The following TRAF3 variants were observed in gnomAD, a reference collection of about 807,000 sequenced individuals.
The protein encoded by TRAF3 is TNF receptor-associated factor 3.
A neutral mutation model predicts 62.3 loss-of-function variants in TRAF3; 13 were observed. That is an observed-to-expected ratio of 0.21 (90% CI 0.14 to 0.33). TRAF3 has a LOEUF of 0.33. Ranked by LOEUF, TRAF3 falls within the 10% of genes least tolerant of loss-of-function variation. TRAF3 has a pLI of 1.00. For missense variants in TRAF3, 440 were observed against 741.8 expected (o/e 0.59, Z 4.73); for synonymous variants, 269 against 283.4 (o/e 0.95, Z 0.51).
chr14:102,804,818 T>G (rs1898670762), intron 1 of TRAF3, among the ~76,000 whole-genome samples: 1 of 152,142 alleles, frequency 6.6e-6, no homozygotes, highest in African/African-American at 2.4e-5. Context: ...TGTGGTCCTT[T>G]TTTTCTAAAA....
At chr14:102,800,075 G>A (rs900188588) in intron 1 of TRAF3, among the ~76,000 whole-genome samples, 1 of 152,152 alleles carries the variant, frequency 6.6e-6, no homozygotes, top group Non-Finnish European at 1.5e-5. Context: ...TACTTTATTA[G>A]TGATTTATTT....
At chr14:102,852,643 G>A (rs958985752) in intron 2 of TRAF3, among the ~76,000 whole-genome samples, 1 of 151,952 alleles carries the variant, frequency 6.6e-6, no homozygotes, top group African/African-American at 2.4e-5. Context: ...TCTACATATG[G>A]ACAAACAGAA....
At chr14:102,784,682 G>A (rs549560216) in intron 1 of TRAF3, among the ~76,000 whole-genome samples, 1 of 152,292 alleles carries the variant, frequency 6.6e-6, no homozygotes, top group African/African-American at 2.4e-5. Flanking sequence ...GCTTCCATGT[G>A]ATGAATGAGC....
intron 2 of TRAF3, among the ~76,000 whole-genome samples, chr14:102,856,097 CAA>C (rs3070340): frequency 6.4e-4 from 40 of 62,930 alleles, no homozygotes; most frequent in African/African-American, 1.6e-3. Context: ...CCCTGTCTCA[CAA>C]AAAAAAAAAA....
chr14:102,868,528 G>C (rs974271816), intron 2 of TRAF3, among the ~76,000 whole-genome samples: 1 of 152,310 alleles, frequency 6.6e-6, no homozygotes. Context: ...CGTAAAGGTC[G>C]TAAGGCACTG....
In TRAF3 at chr14:102,808,000, G is replaced by A. The variant is rs1460764255; in HGVS notation, c.-156-22334G>A. On this transcript the variant is annotated intron_variant, in intron 1 of 11. Transcript: ENST00000392745. The stretch of plus-strand genomic sequence containing the variant: ...TATGCTCCACTAGTCCTTAAGACAC[G>A]TCTGAAAGAAATGAAATTTTATTTT... 3.3e-5 allele frequency among the ~76,000 whole-genome samples: 5 copies of A among 152,160 alleles called. No homozygotes were observed. In the East Asian group the frequency reaches 5.8e-4, roughly 18 times the overall value.
chr14:102,866,409 T>C (rs1887995575), intron 2 of TRAF3, among the ~76,000 whole-genome samples: 1 of 151,906 alleles, frequency 6.6e-6, no homozygotes, highest in Non-Finnish European at 1.5e-5. Context: ...GAACTTAAAG[T>C]ATAATAATTT....
chr14:102,787,408 G>A (rs1897561079), intron 1 of TRAF3, among the ~76,000 whole-genome samples: 4 of 151,926 alleles, frequency 2.6e-5, no homozygotes, highest in Admixed American at 2.6e-4. Context: ...TGGGCGTGGT[G>A]GCTCACGCCT....
intron 2 of TRAF3, among the ~76,000 whole-genome samples, chr14:102,841,064 A>G (rs1169883631): frequency 6.6e-6 from 1 of 152,244 alleles, no homozygotes; most frequent in East Asian, 1.9e-4. Context: ...GACGCATTAC[A>G]ATAAAACCTT....
chr14:102,823,854 C>T (rs566015161), intron 1 of TRAF3, among the ~76,000 whole-genome samples: 27 of 151,146 alleles, frequency 1.8e-4, no homozygotes, highest in East Asian at 1.6e-3. Context: ...TATGGAAATG[C>T]GGTTGACAGG....
chr14:102,889,510 A>G (rs1889591022), intron 7 of TRAF3, 50 bp from the exon 8 acceptor site: 2 of 1,588,330 alleles, frequency 1.3e-6, no homozygotes, highest in African/African-American at 2.7e-5. Flanking sequence ...ATGTTTGAAC[A>G]TTTTCATGCA....
chr14:102,797,137 C>G (rs1392891631), intron 1 of TRAF3, among the ~76,000 whole-genome samples: 1 of 152,194 alleles, frequency 6.6e-6, no homozygotes, highest in African/African-American at 2.4e-5. Flanking sequence ...CCTGTCTCCT[C>G]TCTGTGTTCT....
At chr14:102,781,226 C>T (rs977847474) in intron 1 of TRAF3, among the ~76,000 whole-genome samples, 1 of 152,196 alleles carries the variant, frequency 6.6e-6, no homozygotes, top group Admixed American at 6.5e-5. Context: ...GGCTTGCCAT[C>T]CTGTCACTCC....
chr14:102,801,267 C>G (rs1168468102), intron 1 of TRAF3, among the ~76,000 whole-genome samples: 1 of 152,160 alleles, frequency 6.6e-6, no homozygotes, highest in Non-Finnish European at 1.5e-5. Context: ...AGCCACCACA[C>G]CCGGTGAATT....
At position 102,866,847 on chromosome 14, in the gene TRAF3, G is replaced by GAA. The variant is rs1302351383; in HGVS notation, c.-17-3335_-17-3334dup. On this transcript the variant is annotated intron_variant, in intron 2 of 11. Transcript: ENST00000392745. ...GCAACAGAACGAGACTCCATCTCTT[G>GAA]AAAACACACACACACACACACACAC... Among the ~76,000 whole-genome samples, 91 of 97,060 alleles carry GAA rather than the reference G, an allele frequency of 9.4e-4. 2 individuals are homozygous for GAA. In the South Asian group the frequency reaches 0.018, roughly 19 times the overall value. The allele number at this position is 97,060 out of a possible 152,430, so 63.7% of individuals were successfully genotyped here.
chr14:102,871,152 C>G (rs1888319846), intron 3 of TRAF3, among the ~76,000 whole-genome samples: 1 of 152,236 alleles, frequency 6.6e-6, no homozygotes. Context: ...CCAGCTCCTC[C>G]TCCCACAGCA....
intron 2 of TRAF3, among the ~76,000 whole-genome samples, chr14:102,850,523 C>G (rs1186587397): frequency 1.3e-5 from 2 of 151,640 alleles, no homozygotes; most frequent in African/African-American, 4.9e-5. Flanking sequence ...ATGGTGAAAC[C>G]CTGTCTCTAC....
chr14:102,870,046 A>T, intron 2 of TRAF3, 139 bp from the exon 3 acceptor site: 1 of 962,996 alleles, frequency 1.0e-6, no homozygotes, highest in South Asian at 1.4e-5. Context: ...TGTTCCCAAC[A>T]CATATTAAAG....
rs368154228 is a variant in TRAF3, at chr14:102,893,543, C to A, written c.819+2126C>A. ...GCCTAATCCCTGTGGGGATTTGGCT[C>A]CTTCCTTCCTGTTCTGTGCTCTTTT... On this transcript the variant is annotated intron_variant, in intron 9 of 11. Transcript: ENST00000392745. Among the ~76,000 whole-genome samples the A allele has an allele frequency of 2.6e-4, 40 of 152,200 alleles. No homozygotes were observed. In the East Asian group the frequency reaches 3.7e-3, roughly 14 times the overall value.
Sources: allele counts gnomAD v4.1 joint callset (sites outside exome capture counted in the v4.1 genomes callset), GRCh38; gene constraint gnomAD v4.1.1; transcripts MANE v1.5; gene names NCBI Gene and HGNC (gene_info 2026-07-23, HGNC 2026-07-21).